The following NCEH1 variants were observed in gnomAD, a reference collection of about 807,000 sequenced individuals.
The protein encoded by NCEH1 is neutral cholesterol ester hydrolase 1.
Under a neutral mutation model 25.4 loss-of-function variants are expected in NCEH1, and 9 were observed. The ratio of observed to expected loss-of-function variants is 0.35; its 90% CI spans 0.21 to 0.62. NCEH1 has a LOEUF of 0.62. Among genes scored for constraint, NCEH1 ranks in the 20% least tolerant of loss-of-function variants. NCEH1 has a pLI of 0.72. For missense variants in NCEH1, 412 were observed against 501.1 expected (o/e 0.82, Z 1.70); for synonymous variants, 200 against 199.8 (o/e 1.00, Z -0.01).
intron 1 of NCEH1, among the ~76,000 whole-genome samples, chr3:172,675,764 G>A (rs1711960687): frequency 6.6e-6 from 1 of 152,128 alleles, no homozygotes; most frequent in African/African-American, 2.4e-5. Context: ...TAACGTTTCT[G>A]GTAATGTACA....
At chr3:172,702,081 A>T (rs1477198142) in intron 1 of NCEH1, among the ~76,000 whole-genome samples, 1 of 152,214 alleles carries the variant, frequency 6.6e-6, no homozygotes, top group Non-Finnish European at 1.5e-5. Context: ...AAGGAAATCT[A>T]GCACAAATCT....
intron 1 of NCEH1, among the ~76,000 whole-genome samples, chr3:172,664,216 T>C (rs1718097789): frequency 6.6e-6 from 1 of 152,218 alleles, no homozygotes; most frequent in African/African-American, 2.4e-5. Flanking sequence ...CCTTCACTTA[T>C]GAAGCTTAGT....
intron 1 of NCEH1, among the ~76,000 whole-genome samples, chr3:172,695,715 G>A (rs1263389739): frequency 1.1e-4 from 16 of 152,136 alleles, no homozygotes. Flanking sequence ...AGGCCGAGGT[G>A]GGTGGATCAT....
chr3:172,710,930 C>G lies in NCEH1; in HGVS notation c.55G>C (p.Val19Leu). The G allele has an allele frequency of 6.2e-7, 1 of 1,614,132 alleles. No individual in the cohort carries two copies. The highest frequency in any genetic ancestry group is 8.5e-7 in the Non-Finnish European group (1 of 1,180,034). Residue 19 changes from valine (V) to leucine (L), a missense_variant, in exon 1 of 5, where the codon GTC becomes CTC. Transcript: ENST00000475381. ...ACGGAGCCAGGCAGCGGGATGTAGA[C>G]GTAATAGGCGGCCAGCGCCACCAGG... ...TALVALAAYY[V>L]YIPLPGSVSD...
At chr3:172,654,434 C>T (rs9827009) in intron 1 of NCEH1, among the ~76,000 whole-genome samples, 26,559 of 152,140 alleles carry the variant, frequency 0.17, 2,383 homozygotes, top group East Asian at 0.19. Context: ...AAGATCATTG[C>T]GTAAAAAAGT....
At chr3:172,681,212 C>T (rs1186558230) in intron 1 of NCEH1, 1 of 151,268 alleles carries the variant, frequency 6.6e-6, no homozygotes, top group African/African-American at 2.4e-5. Context: ...TGTCTGATGA[C>T]ACCAAAAAAT....
chr3:172,676,108 C>T (rs1711978351), intron 1 of NCEH1, among the ~76,000 whole-genome samples: 1 of 152,184 alleles, frequency 6.6e-6, no homozygotes, highest in Admixed American at 6.5e-5. Context: ...CCAACACCCC[C>T]TAACAGCAGT....
chr3:172,684,217 T>C (rs552386708), intron 1 of NCEH1, among the ~76,000 whole-genome samples: 5 of 152,268 alleles, frequency 3.3e-5, no homozygotes, highest in South Asian at 2.1e-4. Context: ...TGTGGAACAA[T>C]GAATATGGAA....
chr3:172,688,245 G>A (rs758486346), intron 1 of NCEH1, among the ~76,000 whole-genome samples: 4 of 144,048 alleles, frequency 2.8e-5, no homozygotes, highest in Non-Finnish European at 6.0e-5. Context: ...CACAAGAATC[G>A]CTTGAATCTG....
Position 172,653,968 on chromosome 3 carries a change from G to T in NCEH1, c.139-5854C>A, listed in dbSNP as rs527578664. Among the ~76,000 whole-genome samples, 71 of 152,142 alleles carry T rather than the reference G, an allele frequency of 4.7e-4. 1 individual carries two copies. In the South Asian group the frequency reaches 6.0e-3, roughly 13 times the overall value. On this transcript the variant is annotated intron_variant, in intron 1 of 4. Transcript: ENST00000475381. ...GACAAGGTTTCACTGTGCTGGCTAG[G>T]ATGGTCTCGATCTCCTGACCTCATG...
At chr3:172,681,320 T>C (rs1577080560) in intron 1 of NCEH1, 1 of 152,322 alleles carries the variant, frequency 6.6e-6, no homozygotes, top group Non-Finnish European at 1.5e-5. Context: ...CTCAGGTTTT[T>C]AATTAAAATA....
intron 1 of NCEH1, among the ~76,000 whole-genome samples, chr3:172,653,739 T>TTC (rs1487466022): frequency 1.4e-5 from 1 of 69,710 alleles, no homozygotes; most frequent in Non-Finnish European, 2.6e-5. Flanking sequence ...TGTTCTGTTT[T>TTC]TTTTGTTTTT....
chr3:172,653,756 T>TTTTTTTTG (rs746384086), intron 1 of NCEH1, among the ~76,000 whole-genome samples: 27,333 of 96,312 alleles, frequency 0.28, 3,186 homozygotes, highest in East Asian at 0.47. Flanking sequence ...TTTTTTGTTT[T>TTTTTTTTG]TTTGTTTTTT....
intron 1 of NCEH1, among the ~76,000 whole-genome samples, chr3:172,698,773 G>A (rs531404012): frequency 7.9e-5 from 12 of 152,286 alleles, no homozygotes; most frequent in East Asian, 3.9e-4. Context: ...AGAAAACAGC[G>A]AGGCTTGCAA....
Position 172,631,878 on chromosome 3 carries a change from T to C in NCEH1, c.*1597A>G, listed in dbSNP as rs1237776572. 4 of 152,666 alleles carry C rather than the reference T, an allele frequency of 2.6e-5. No individual in the cohort carries two copies. In the East Asian group the frequency reaches 7.7e-4, roughly 29 times the overall value. The allele number at this position is 152,666 out of a possible 1,614,324, so 9.5% of individuals were successfully genotyped here. ...CCGCAGCCCCTAAAAGTAGCATGGA[T>C]CGGGGAAGAAGGAAGGACGGCAGGA... On this transcript the variant is annotated 3_prime_UTR_variant, in exon 5 of 5. Transcript: ENST00000475381.
At chr3:172,652,635 C>T (rs1413978749) in intron 1 of NCEH1, among the ~76,000 whole-genome samples, 1 of 152,192 alleles carries the variant, frequency 6.6e-6, no homozygotes, top group African/African-American at 2.4e-5. Flanking sequence ...TTTCCCTGAG[C>T]TTATGAAATC....
intron 1 of NCEH1, among the ~76,000 whole-genome samples, chr3:172,650,062 G>A (rs1577059715): frequency 6.6e-6 from 1 of 152,168 alleles, no homozygotes; most frequent in Non-Finnish European, 1.5e-5. Context: ...GAGTACATGC[G>A]GGTTTGACTC....
At chr3:172,657,350 C>A (rs1296103812) in intron 1 of NCEH1, among the ~76,000 whole-genome samples, 1 of 152,168 alleles carries the variant, frequency 6.6e-6, no homozygotes, top group Non-Finnish European at 1.5e-5. Context: ...CCCTTCTCCA[C>A]CCCTAGAGCA....
intron 1 of NCEH1, among the ~76,000 whole-genome samples, chr3:172,659,123 C>G (rs1389934271): frequency 1.3e-5 from 2 of 152,094 alleles, no homozygotes; most frequent in Non-Finnish European, 2.9e-5. Flanking sequence ...CCTCAACCAT[C>G]ACCCTCTATT....
Sources: gnomAD v4.1 joint callset for allele counts (sites outside exome capture counted in the v4.1 genomes callset) on GRCh38, gnomAD v4.1.1 for gene constraint, MANE v1.5 for transcripts, NCBI Gene and HGNC (gene_info 2026-07-23, HGNC 2026-07-21) for gene names.